The following EHF variants were observed in gnomAD, a reference collection of about 807,000 sequenced individuals.
EHF encodes ESE3 transcription factor.
Under a neutral mutation model 45.1 loss-of-function variants are expected in EHF, and 14 were observed. That is an observed-to-expected ratio of 0.31 (90% CI 0.21 to 0.49). The LOEUF is 0.49. EHF is among the 20% of genes least tolerant of loss of function. The pLI is 0.99. For missense variants in EHF, 282 were observed against 371.4 expected (o/e 0.76, Z 1.98); for synonymous variants, 136 against 131.8 (o/e 1.03, Z -0.22).
chr11:34,662,010 C>G lies in EHF; in HGVS notation c.*3079C>G, dbSNP rs1038272812. On this transcript the variant is annotated 3_prime_UTR_variant, in exon 9 of 9. Transcript: ENST00000257831. Reference sequence around the variant, plus strand: ...AGCAACAGTTTCTTGAATGTGCCATCTGAGAAGGGAGACCCAGGTTGTGAG... The same window carrying G: ...AGCAACAGTTTCTTGAATGTGCCATGTGAGAAGGGAGACCCAGGTTGTGAG... Among the ~76,000 whole-genome samples, 1 of 152,118 alleles carries G rather than the reference C, an allele frequency of 6.6e-6. No individual in the cohort carries two copies. Among genetic ancestry groups the G allele is most frequent in the Admixed American group, 6.6e-5 (1 of 15,244 alleles).
intron 1 of EHF, among the ~76,000 whole-genome samples, chr11:34,636,237 C>T (rs932336292): frequency 3.3e-5 from 5 of 152,216 alleles, no homozygotes; most frequent in Non-Finnish European, 5.9e-5. Context: ...TCATTGTTGT[C>T]TTTCGACAAC....
In EHF at chr11:34,663,271, C is replaced by T. The variant is rs1380979365; in HGVS notation, c.*4340C>T. ...TCCCAGGAAACACTAATAAAAACCA[C>T]AGAGACCAGCCTGGAAATGCGTGTT... On this transcript the variant is annotated 3_prime_UTR_variant, in exon 9 of 9. Transcript: ENST00000257831. 6.6e-6 allele frequency among the ~76,000 whole-genome samples: 1 copy of T among 152,082 alleles called. No individual in the cohort carries two copies. Among genetic ancestry groups the T allele is most frequent in the African/African-American group, 2.4e-5 (1 of 41,420 alleles).
rs1367137059 is a variant in EHF at position 34,661,620 on chromosome 11, T to G, written c.*2689T>G. On this transcript the variant is annotated 3_prime_UTR_variant, in exon 9 of 9. Coordinates refer to ENST00000257831, the MANE Select transcript of EHF (RefSeq NM_012153.6). ...TGACTTGAGTTTGCTGCATTTTCTA[T>G]GTGCTGTTCGTGACTTGGAGAACTT... Among the ~76,000 whole-genome samples the G allele has an allele frequency of 6.6e-6, 1 of 152,140 alleles. No homozygotes were observed. Among genetic ancestry groups the G allele is most frequent in the Non-Finnish European group, 1.5e-5 (1 of 68,010 alleles).
At chr11:34,642,770 G>A in intron 2 of EHF, 43 bp downstream of exon 2, 1 of 1,416,378 alleles carries the variant, frequency 7.1e-7, no homozygotes, top group Middle Eastern at 1.8e-4. Context: ...TGTGCTGTGT[G>A]GGCTCTTTGC....
At chr11:34,644,349 C>T (rs960112056) in intron 2 of EHF, among the ~76,000 whole-genome samples, 3 of 152,164 alleles carry the variant, frequency 2.0e-5, no homozygotes, top group South Asian at 2.1e-4. Flanking sequence ...TTGTGAGGCA[C>T]CAAAAATTGG....
chr11:34,632,595 G>A (rs1852998285), intron 1 of EHF: 1 of 1,535,558 alleles, frequency 6.5e-7, no homozygotes, highest in Non-Finnish European at 8.7e-7. Flanking sequence ...AGGGCATGGG[G>A]TTGCCGGAGA....
chr11:34,629,409 A>G lies in EHF; in HGVS notation c.-4+8181A>G, dbSNP rs114931395. ...ATGAGACCTGGTGTGCCACGAGTCT[A>G]GTGTTCTCATAGGAAGGCTCTAAAA... On this transcript the variant is annotated intron_variant, in intron 1 of 8. Coordinates refer to ENST00000257831, the MANE Select transcript of EHF (RefSeq NM_012153.6). Among the ~76,000 whole-genome samples, 327 of 152,332 alleles carry G rather than the reference A, an allele frequency of 2.1e-3. 2 individuals are homozygous for G. Among genetic ancestry groups the G allele is most frequent in the African/African-American group, 7.3e-3 (305 of 41,580 alleles).
At position 34,647,404 on chromosome 11, in the gene EHF, T is replaced by G. The variant is rs117470512; in HGVS notation, c.343+720T>G. ...CAGATGTTGTCTTTGAGTGGTAGATTATTCATACACGAACATATCCTATAC... is the reference window on the plus strand; with the variant it reads ...CAGATGTTGTCTTTGAGTGGTAGATGATTCATACACGAACATATCCTATAC... On this transcript the variant is annotated intron_variant, in intron 3 of 8. Coordinates refer to ENST00000257831, the MANE Select transcript of EHF (RefSeq NM_012153.6). Among the ~76,000 whole-genome samples, 42 of 152,294 alleles carry G rather than the reference T, an allele frequency of 2.8e-4. No homozygotes were observed. In the East Asian group the frequency reaches 7.5e-3, roughly 27 times the overall value.
At position 34,648,937 on chromosome 11, in the gene EHF, G is replaced by T. The variant is rs536753826; in HGVS notation, c.344-82G>T. 1.4e-5 allele frequency: 18 copies of T among 1,328,744 alleles called. No individual in the cohort carries two copies. In the South Asian group the frequency reaches 2.3e-4, roughly 17 times the overall value. 82.3% of individuals were successfully genotyped at this position (1,328,744 alleles called of 1,614,324 possible). A position where few individuals can be genotyped will look rare whatever the true frequency, so the allele number is the denominator to read the frequency against. On this transcript the variant is annotated intron_variant, in intron 3 of 8. Transcript: ENST00000257831. ...AGTAGGATGGCAGAAGCTCTGCAAA[G>T]ATGCCAGTTCTGTCCTTATTTAAGC...
chr11:34,639,861 C>A (rs1590464495), intron 1 of EHF, among the ~76,000 whole-genome samples: 1 of 152,262 alleles, frequency 6.6e-6, no homozygotes, highest in Middle Eastern at 3.4e-3. Flanking sequence ...GGGCAGCTGC[C>A]ACCCTGTAGT....
At chr11:34,629,462 G>T (rs1852674643) in intron 1 of EHF, among the ~76,000 whole-genome samples, 1 of 152,226 alleles carries the variant, frequency 6.6e-6, no homozygotes, top group African/African-American at 2.4e-5. Flanking sequence ...GCTATTGAAT[G>T]ATTATCTCTA....
In EHF at chr11:34,642,646, G is replaced by A; in HGVS notation, c.16G>A (p.Gly6Ser). 6.2e-7 allele frequency: 1 copy of A among 1,613,718 alleles called. No homozygotes were observed. The highest frequency in any genetic ancestry group is 1.1e-5 in the South Asian group (1 of 91,058). The change falls in exon 2 of 9, where the codon GGT (glycine) becomes AGT (serine). Residue 6 changes from glycine to serine, a missense_variant. Gly to Ser is a moderately conservative substitution (Grantham distance 56). This residue lies in a region of EHF where 213 missense variants were observed against 247.3 expected (regional missense o/e 0.86). Transcript: ENST00000257831. MILEG[G>S]GVMNLNPGNN... ...CTAACAGATCATGATTCTGGAAGGA[G>A]GTGGTGTAATGAATCTCAACCCCGG...
At chr11:34,637,320 C>T (rs1220627508) in intron 1 of EHF, among the ~76,000 whole-genome samples, 2 of 152,278 alleles carry the variant, frequency 1.3e-5, no homozygotes, top group South Asian at 4.2e-4. Flanking sequence ...GCGAAGCAAG[C>T]CTGGAGAAGC....
intron 1 of EHF, chr11:34,622,537 C>T (rs762110093): frequency 1.2e-4 from 47 of 382,458 alleles, no homozygotes; most frequent in East Asian, 5.0e-4. Context: ...GAAGAAGATA[C>T]GTTATTAGGA....
intron 2 of EHF, 22 bp from the exon 3 acceptor site, chr11:34,646,417 G>C: frequency 6.2e-7 from 1 of 1,613,258 alleles, no homozygotes; most frequent in African/African-American, 1.3e-5. Context: ...GGTCACTCAT[G>C]AGGCTGCTTC....
intron 1 of EHF, among the ~76,000 whole-genome samples, chr11:34,635,212 A>G (rs925590533): frequency 2.6e-5 from 4 of 152,090 alleles, no homozygotes; most frequent in Non-Finnish European, 5.9e-5. Context: ...AGCAAAAGAA[A>G]GACCTCCCTC....
intron 2 of EHF, among the ~76,000 whole-genome samples, chr11:34,643,434 G>A (rs1001422540): frequency 6.6e-6 from 1 of 152,218 alleles, no homozygotes; most frequent in Non-Finnish European, 1.5e-5. Flanking sequence ...TCCAACAGCA[G>A]TGAGTTTAGG....
At chr11:34,640,442 G>C (rs1853874113) in intron 1 of EHF, among the ~76,000 whole-genome samples, 2 of 152,212 alleles carry the variant, frequency 1.3e-5, no homozygotes, top group Admixed American at 1.3e-4. Flanking sequence ...CTGAGCTTCA[G>C]CCCTTTCAGG....
At chr11:34,650,453 C>G (rs754497351) in intron 4 of EHF, among the ~76,000 whole-genome samples, 2 of 152,138 alleles carry the variant, frequency 1.3e-5, no homozygotes, top group African/African-American at 4.8e-5. Context: ...GCTAAAATAC[C>G]GGCTAAATCC....
Sources: gnomAD v4.1 joint callset for allele counts (sites outside exome capture counted in the v4.1 genomes callset) on GRCh38, gnomAD v4.1.1 for gene constraint, gnomAD v4.1.1 regional missense constraint, MANE v1.5 for transcripts, NCBI Gene and HGNC (gene_info 2026-07-23, HGNC 2026-07-21) for gene names.